SFXN2: variants seen among roughly 807,000 people sequenced by gnomAD.
SFXN2 encodes sideroflexin-2.
SFXN2 carries 37 observed loss-of-function variants against 41.9 expected under a neutral mutation model. That is an observed-to-expected ratio of 0.88 (90% CI 0.68 to 1.16). The LOEUF (loss-of-function observed/expected upper bound fraction) is 1.16. Among genes scored for constraint, SFXN2 ranks in the 50% most tolerant of loss-of-function variants. The pLI, the probability that SFXN2 is intolerant of heterozygous loss-of-function variation, is 0.00. For synonymous variants in SFXN2, 150 were observed against 156.7 expected, an observed-to-expected ratio of 0.96 and a Z score of 0.32; for missense variants, 386 against 425.2, an observed-to-expected ratio of 0.91 and a Z score of 0.81.
intron 1 of SFXN2, chr10:102,717,729 G>A (rs1339953039): frequency 1.0e-6 from 1 of 984,634 alleles, no homozygotes; most frequent in Non-Finnish European, 1.2e-6. Flanking sequence ...ACTTAAAAGA[G>A]GTGACATCCT....
At position 102,725,393 on chromosome 10, in the gene SFXN2, G is replaced by T. The variant is rs747887405; in HGVS notation, c.-25-1219G>T. ...TACAACCCAAGATGGTTAGGCTCTG[G>T]TAAAATAGTTTCCCTCAAGGGTAGA... On this transcript the variant is annotated intron_variant, in intron 1 of 11. Coordinates refer to ENST00000369893, the MANE Select transcript of SFXN2 (RefSeq NM_178858.6). Among the ~76,000 whole-genome samples, 30 of 152,284 alleles carry T rather than the reference G, an allele frequency of 2.0e-4. 2 individuals carry two copies. The highest frequency in any genetic ancestry group is 3.1e-4 in the Non-Finnish European group (21 of 68,026).
At chr10:102,722,244 C>CTTTTTTTTTTTTTTTTTTT (rs2064519534) in intron 1 of SFXN2, among the ~76,000 whole-genome samples, 3 of 152,176 alleles carry the variant, frequency 2.0e-5, no homozygotes, top group African/African-American at 7.2e-5. Context: ...AATTATACTT[C>CTTTTTTTTTTTTTTTTTTT]TTTTGAAAAC....
intron 6 of SFXN2, among the ~76,000 whole-genome samples, chr10:102,731,127 C>A (rs1207397414): frequency 1.3e-5 from 2 of 150,798 alleles, no homozygotes; most frequent in Non-Finnish European, 3.0e-5. Flanking sequence ...ATTAGCCGGG[C>A]ATGGTGGCGC....
In SFXN2 at chr10:102,737,859, G is replaced by C. The variant is rs2064802489; in HGVS notation, c.*97G>C. The C allele has an allele frequency of 1.2e-6, 1 of 817,258 alleles. No homozygotes were observed. The highest frequency in any genetic ancestry group is 2.0e-6 in the Non-Finnish European group (1 of 502,356). 50.6% of individuals were successfully genotyped at this position (817,258 alleles called of 1,614,324 possible). On this transcript the variant is annotated 3_prime_UTR_variant, in exon 12 of 12. Transcript: ENST00000369893. ...GTCCTCCTTCCCCTTTGCCAACAAG[G>C]CCTGAAGGCCAGGGTAGATTGGGGG... is the stretch of plus-strand genomic sequence containing the variant.
rs957287288 is a variant in SFXN2, at chr10:102,740,987, C to G, written c.*3225C>G. 6.6e-6 allele frequency: 1 copy of G among 152,166 alleles called. No individual in the cohort carries two copies. Among genetic ancestry groups the G allele is most frequent in the Non-Finnish European group, 1.5e-5 (1 of 68,046 alleles). The allele number at this position is 152,166 out of a possible 1,614,324, so 9.4% of individuals were successfully genotyped here. On this transcript the variant is annotated 3_prime_UTR_variant, in exon 12 of 12. Transcript: ENST00000369893. ...TAGACAACTGCTCTTTTGGAAATGTCTGGAAGGTATGTGGTGGCTATAATG... is the reference window on the plus strand; with the variant it reads ...TAGACAACTGCTCTTTTGGAAATGTGTGGAAGGTATGTGGTGGCTATAATG...
At chr10:102,732,721 C>T in intron 8 of SFXN2, 138 bp from the exon 9 acceptor site, 1 of 814,996 alleles carries the variant, frequency 1.2e-6, no homozygotes, top group Non-Finnish European at 2.0e-6. Flanking sequence ...ACTTGCTCTT[C>T]TGTTCTGCCT....
intron 10 of SFXN2, among the ~76,000 whole-genome samples, 188 bp downstream of exon 10, chr10:102,733,791 A>T (rs1397380012): frequency 6.6e-6 from 1 of 152,004 alleles, no homozygotes; most frequent in Non-Finnish European, 1.5e-5. Context: ...GGCTGGCTAG[A>T]CTTTATGCAC....
intron 1 of SFXN2, among the ~76,000 whole-genome samples, chr10:102,724,638 G>C (rs1422757597): frequency 6.6e-6 from 1 of 151,990 alleles, no homozygotes; most frequent in Non-Finnish European, 1.5e-5. Context: ...GGAGGCAGAG[G>C]TTGAAGTGAG....
At position 102,731,264 on chromosome 10, in the gene SFXN2, CAAAAA is replaced by C. The variant is rs368931070; in HGVS notation, c.594-441_594-437del. On this transcript the variant is annotated intron_variant, in intron 6 of 11. Coordinates refer to ENST00000369893, the MANE Select transcript of SFXN2 (RefSeq NM_178858.6). ...CCTGGGTGACAGAGTGCGATTGTCT[CAAAAA>C]AAAAAAAAAAAAAAAAAGGAATAGC... 1.7e-3 allele frequency among the ~76,000 whole-genome samples: 146 copies of C among 85,186 alleles called. 1 individual carries two copies. The highest frequency in any genetic ancestry group is 1.6e-3 in the Non-Finnish European group (70 of 42,552). 55.9% of individuals were successfully genotyped at this position (85,186 alleles called of 152,430 possible). A position where few individuals can be genotyped will look rare whatever the true frequency, so the allele number is the denominator to read the frequency against.
rs772801635 is a variant in SFXN2, at chr10:102,741,261, A to C, written c.*3499A>C. On this transcript the variant is annotated 3_prime_UTR_variant, in exon 12 of 12. Coordinates refer to ENST00000369893, the MANE Select transcript of SFXN2 (RefSeq NM_178858.6). ...TTGCCAAACTGAATTGGGGTTTCTTATTTATTGAGAGAAAGAGGGTATCAC... is the reference window on the plus strand; with the variant it reads ...TTGCCAAACTGAATTGGGGTTTCTTCTTTATTGAGAGAAAGAGGGTATCAC... The C allele has an allele frequency of 2.6e-5, 4 of 152,138 alleles. No individual in the cohort carries two copies. Among genetic ancestry groups the C allele is most frequent in the Non-Finnish European group, 5.9e-5 (4 of 68,024 alleles). 9.4% of individuals were successfully genotyped at this position (152,138 alleles called of 1,614,324 possible).
At chr10:102,722,663 C>T (rs992874684) in intron 1 of SFXN2, among the ~76,000 whole-genome samples, 1 of 152,060 alleles carries the variant, frequency 6.6e-6, no homozygotes. Context: ...ACCTCAGCCT[C>T]CCAAGTAGCT....
At chr10:102,717,830 A>T in intron 1 of SFXN2, 1 of 979,644 alleles carries the variant, frequency 1.0e-6, no homozygotes, top group Non-Finnish European at 1.2e-6. Flanking sequence ...AGCAGTAAAC[A>T]TCACAGACAT....
chr10:102,715,755 G>A (rs1590133564), intron 1 of SFXN2, among the ~76,000 whole-genome samples: 1 of 151,852 alleles, frequency 6.6e-6, no homozygotes, highest in Non-Finnish European at 1.5e-5. Context: ...GACCAGCCCG[G>A]GCAACACAGT....
At position 102,719,965 on chromosome 10, in the gene SFXN2, G is replaced by C. The variant is rs183548784; in HGVS notation, c.-26+5284G>C. Among the ~76,000 whole-genome samples, 235 of 152,258 alleles carry C rather than the reference G, an allele frequency of 1.5e-3. 1 individual carries two copies. Among genetic ancestry groups the C allele is most frequent in the African/African-American group, 5.4e-3 (223 of 41,556 alleles). ...AGCTTTTGAGTATTGTGTTTGGAAA[G>C]GACCTGAGACAGGAAGAGGCCTATT... On this transcript the variant is annotated intron_variant, in intron 1 of 11. Transcript: ENST00000369893.
At chr10:102,718,849 G>A (rs1339640418) in intron 1 of SFXN2, among the ~76,000 whole-genome samples, 1 of 150,238 alleles carries the variant, frequency 6.7e-6, no homozygotes, top group Non-Finnish European at 1.5e-5. Flanking sequence ...GCCTGTGCCT[G>A]TCTCCACCTC....
At chr10:102,735,105 G>C (rs555920873) in intron 10 of SFXN2, among the ~76,000 whole-genome samples, 132 of 138,150 alleles carry the variant, frequency 9.6e-4, no homozygotes, top group Admixed American at 1.8e-3. Context: ...CCCCATCCTG[G>C]TCACTCCTCC....
At chr10:102,735,524 C>T (rs1242057755) in intron 10 of SFXN2, among the ~76,000 whole-genome samples, 1 of 152,140 alleles carries the variant, frequency 6.6e-6, no homozygotes, top group Non-Finnish European at 1.5e-5. Flanking sequence ...TTCTCCTCTC[C>T]CTCCTCGTCG....
Position 102,737,836 on chromosome 10 carries a change from C to A in SFXN2, c.*74C>A. The A allele has an allele frequency of 9.4e-7, 1 of 1,061,102 alleles. No individual in the cohort carries two copies. Among genetic ancestry groups the A allele is most frequent in the Non-Finnish European group, 1.4e-6 (1 of 707,418 alleles). 65.7% of individuals were successfully genotyped at this position (1,061,102 alleles called of 1,614,324 possible). A position where few individuals can be genotyped will look rare whatever the true frequency, so the allele number is the denominator to read the frequency against. ...TCCTTAGCTACGTGCACACTTGTGT[C>A]CTCCTTCCCCTTTGCCAACAAGGCC... On this transcript the variant is annotated 3_prime_UTR_variant, in exon 12 of 12. Coordinates refer to ENST00000369893, the MANE Select transcript of SFXN2 (RefSeq NM_178858.6).
chr10:102,715,930 CAAAA>C (rs11464783), intron 1 of SFXN2, among the ~76,000 whole-genome samples: 1 of 94,954 alleles, frequency 1.1e-5, no homozygotes, highest in Admixed American at 1.2e-4. Flanking sequence ...GACCCTGCCT[CAAAA>C]AAAAAAAAAA....
Sources: gnomAD v4.1 joint callset for allele counts (sites outside exome capture counted in the v4.1 genomes callset) on GRCh38, gnomAD v4.1.1 for gene constraint, MANE v1.5 for transcripts, NCBI Gene and HGNC (gene_info 2026-07-23, HGNC 2026-07-21) for gene names.